Variants in ATP4B observed in about 807,000 individuals in gnomAD.
ATP4B encodes potassium-transporting ATPase subunit beta.
ATP4B carries 27 observed loss-of-function variants against 35.3 expected under a neutral mutation model. The observed-to-expected ratio is 0.76, with a 90% CI of 0.56 to 1.05. The LOEUF is 1.05. Ranked by LOEUF, ATP4B falls within the 50% of genes least tolerant of loss-of-function variation. The pLI is 0.00. For synonymous variants in ATP4B, 162 were observed against 156.0 expected (o/e 1.04, Z -0.29); for missense variants, 375 against 384.8 (o/e 0.97, Z 0.21).
chr13:113,657,936 A>C, intron 1 of ATP4B, 97 bp downstream of exon 1: 1 of 1,013,346 alleles, frequency 9.9e-7, no homozygotes, highest in Non-Finnish European at 1.4e-6. Context: ...TCTCACTGTC[A>C]GGGGCCCTCT....
intron 4 of ATP4B, among the ~76,000 whole-genome samples, chr13:113,651,992 G>A (rs1422271469): frequency 6.6e-6 from 1 of 152,196 alleles, no homozygotes; most frequent in Non-Finnish European, 1.5e-5. Flanking sequence ...CTGGCAGGAG[G>A]CAGAGCTGGG....
rs141905862 is a variant in ATP4B, at chr13:113,655,370, T to C, written c.113-428A>G. Among the ~76,000 whole-genome samples, 29 of 152,220 alleles carry C rather than the reference T, an allele frequency of 1.9e-4. No individual in the cohort carries two copies. The East Asian group carries it at 5.2e-3, about 27-fold the overall frequency. On this transcript the variant is annotated intron_variant, in intron 1 of 6. Coordinates refer to ENST00000335288, the MANE Select transcript of ATP4B (RefSeq NM_000705.4). ...GTGGGGTCCTGCCCATGGTGACCCA[T>C]AGTGCAGCCTGGAAGTGCATGGCCG...
rs899100145 is a variant in ATP4B at position 113,650,813 on chromosome 13, A to T, written c.613-306T>A. On this transcript the variant is annotated intron_variant, in intron 5 of 6. Coordinates refer to ENST00000335288, the MANE Select transcript of ATP4B (RefSeq NM_000705.4). The surrounding 1 kb of genome is among the most constrained non-coding windows in gnomAD (Gnocchi z 5.0). ...GGCTTGCTTGTCTGTACTCGAGGGT[A>T]GCCACTGCTCAGTGGCAAGGGCTGG... 3.3e-5 allele frequency among the ~76,000 whole-genome samples: 5 copies of T among 152,108 alleles called. No homozygotes were observed. The highest frequency in any genetic ancestry group is 7.4e-5 in the Non-Finnish European group (5 of 68,008).
At chr13:113,656,644 A>G (rs564797110) in intron 1 of ATP4B, among the ~76,000 whole-genome samples, 131 of 152,226 alleles carry the variant, frequency 8.6e-4, no homozygotes, top group African/African-American at 2.9e-3. Flanking sequence ...CTGCACCTGC[A>G]CCCGTCCCCC....
chr13:113,651,419 G>A (rs1024035412), intron 5 of ATP4B, among the ~76,000 whole-genome samples: 11 of 152,346 alleles, frequency 7.2e-5, no homozygotes, highest in South Asian at 2.1e-4. Flanking sequence ...GTTTTGAAGC[G>A]TGCTGCTGAC....
At chr13:113,655,238 G>T (rs2049745025) in intron 1 of ATP4B, among the ~76,000 whole-genome samples, 1 of 152,212 alleles carries the variant, frequency 6.6e-6, no homozygotes, top group Admixed American at 6.5e-5. Flanking sequence ...CGCTGTTTGA[G>T]ATGTGGCCGA....
At position 113,653,549 on chromosome 13, in the gene ATP4B, C is replaced by T. The variant is rs530259810; in HGVS notation, c.242-115G>A. ...CGGTGGCCCAACCCAGGAGCCTCCT[C>T]GGAGTAAACTGTCTGCAGCACAGGA... On this transcript the variant is annotated intron_variant, in intron 2 of 6. Coordinates refer to ENST00000335288, the MANE Select transcript of ATP4B (RefSeq NM_000705.4). The T allele has an allele frequency of 1.1e-4, 89 of 793,666 alleles. No individual in the cohort carries two copies. In the African/African-American group the frequency reaches 1.2e-3, roughly 10 times the overall value. The allele number at this position is 793,666 out of a possible 1,614,324, so 49.2% of individuals were successfully genotyped here.
intron 1 of ATP4B, among the ~76,000 whole-genome samples, chr13:113,656,796 C>T (rs993502991): frequency 1.2e-4 from 18 of 152,172 alleles, no homozygotes; most frequent in Admixed American, 2.6e-4. Flanking sequence ...AGAAGGTTCT[C>T]TGTGGCCCTG....
chr13:113,651,831 C>T (rs1332675783), intron 4 of ATP4B, 104 bp from the exon 5 acceptor site: 1 of 1,396,666 alleles, frequency 7.2e-7, no homozygotes, highest in South Asian at 1.4e-5. Flanking sequence ...CCAGCCTGGG[C>T]TTTCTGACCA....
Position 113,651,723 on chromosome 13 carries a change from ACGATCTAGAAGGGAAAAG to A in ATP4B, c.556-14_559del. The A allele has an allele frequency of 6.2e-7, 1 of 1,613,742 alleles. No individual in the cohort carries two copies. Among genetic ancestry groups the A allele is most frequent in the Non-Finnish European group, 8.5e-7 (1 of 1,179,834 alleles). On this transcript the variant is annotated splice_acceptor_variant and splice_polypyrimidine_tract_variant and coding_sequence_variant and intron_variant, in exon 5 of 7. Coordinates refer to ENST00000335288, the MANE Select transcript of ATP4B (RefSeq NM_000705.4). LOFTEE classifies it high-confidence loss of function. Reference sequence around the variant, plus strand: ...CGAGCCGTTGCTGGGGAGGAACTTGACGATCTAGAAGGGAAAAGCTTGAGCGTGGCCGCTCCCCACCCC... The same window carrying A: ...CGAGCCGTTGCTGGGGAGGAACTTGACTTGAGCGTGGCCGCTCCCCACCCC...
rs372700820 is a variant in ATP4B at position 113,649,580 on chromosome 13, A to C, written c.715-45T>G. ...AGGACAGGTGTTTCAAAAATCTCTG[A>C]AGTTAAGGAGAGAAAACTAAGCAAG... On this transcript the variant is annotated intron_variant, in intron 6 of 6. Transcript: ENST00000335288. The surrounding 1 kb of genome is among the most constrained non-coding windows in gnomAD (Gnocchi z 4.7). The C allele has an allele frequency of 3.5e-5, 51 of 1,449,402 alleles. No individual in the cohort carries two copies. Among genetic ancestry groups the C allele is most frequent in the Non-Finnish European group, 4.5e-5 (49 of 1,097,328 alleles). 89.8% of individuals were successfully genotyped at this position (1,449,402 alleles called of 1,614,324 possible).
In ATP4B at chr13:113,650,654, A is replaced by T; in HGVS notation, c.613-147T>A. 2 of 597,212 alleles carry T rather than the reference A, an allele frequency of 3.3e-6. No individual in the cohort carries two copies. Among genetic ancestry groups the T allele is most frequent in the Non-Finnish European group, 2.9e-6 (1 of 342,084 alleles). 37.0% of individuals were successfully genotyped at this position (597,212 alleles called of 1,614,324 possible). ...TGCATACTTAGCATAAATCAGATGCAATCTTTCTAATCAGTGCTGAGATCT... is the reference window on the plus strand; with the variant it reads ...TGCATACTTAGCATAAATCAGATGCTATCTTTCTAATCAGTGCTGAGATCT... On this transcript the variant is annotated intron_variant, in intron 5 of 6. Transcript: ENST00000335288. This position sits in a 1 kb window ranked among gnomAD's most constrained non-coding sequence, Gnocchi z 5.0.
chr13:113,653,088 C>T lies in ATP4B; in HGVS notation c.356-16G>A, dbSNP rs752588815. On this transcript the variant is annotated splice_polypyrimidine_tract_variant and intron_variant, in intron 3 of 6. Transcript: ENST00000335288. The stretch of plus-strand genomic sequence containing the variant: ...GGAGAGTAGCCTGCAGACGGACGCA[C>T]CTGCCAGCCCTGTCCTGCCCTGGCC... 8.8e-6 allele frequency: 14 copies of T among 1,599,908 alleles called. No homozygotes were observed. The highest frequency in any genetic ancestry group is 8.5e-6 in the Non-Finnish European group (10 of 1,170,548).
chr13:113,656,451 C>T lies in ATP4B; in HGVS notation c.113-1509G>A, dbSNP rs142696092. 4.4e-4 allele frequency among the ~76,000 whole-genome samples: 67 copies of T among 152,290 alleles called. No individual in the cohort carries two copies. The East Asian group carries it at 0.012, about 28-fold the overall frequency. ...CTCAGCCCTGCCTCCCGGGTAGGAG[C>T]CCGAGGTTGGCCAGGCTGGGCCCAG... On this transcript the variant is annotated intron_variant, in intron 1 of 6. Transcript: ENST00000335288.
chr13:113,649,662 C>T lies in ATP4B; in HGVS notation c.715-127G>A, dbSNP rs1484844554. On this transcript the variant is annotated intron_variant, in intron 6 of 6. Transcript: ENST00000335288. The surrounding 1 kb of genome is among the most constrained non-coding windows in gnomAD (Gnocchi z 4.7). The stretch of plus-strand genomic sequence containing the variant: ...GCAGCTCTTTTGTGTAAGACTGGCC[C>T]TGACCGAGTGCATGCCCTGGAATTT... 6 of 1,096,260 alleles carry T rather than the reference C, an allele frequency of 5.5e-6. No individual in the cohort carries two copies. Among genetic ancestry groups the T allele is most frequent in the Non-Finnish European group, 6.2e-6 (5 of 808,418 alleles). The allele number at this position is 1,096,260 out of a possible 1,614,324, so 67.9% of individuals were successfully genotyped here. A position where few individuals can be genotyped will look rare whatever the true frequency, so the allele number is the denominator to read the frequency against.
chr13:113,649,168 G>GT lies in ATP4B; in HGVS notation c.*205dup, dbSNP rs1451246849. 8.4e-6 allele frequency: 4 copies of GT among 477,090 alleles called. No homozygotes were observed. Among genetic ancestry groups the GT allele is most frequent in the Non-Finnish European group, 1.4e-5 (4 of 279,766 alleles). 29.6% of individuals were successfully genotyped at this position (477,090 alleles called of 1,614,324 possible). Reference sequence around the variant, plus strand: ...TAGCAGCAAATTCCATCTAAAAACTGTAAGAATTCAACAAGGAAGAACTGA... The same window carrying GT: ...TAGCAGCAAATTCCATCTAAAAACTGTTAAGAATTCAACAAGGAAGAACTGA... On this transcript the variant is annotated 3_prime_UTR_variant, in exon 7 of 7. Transcript: ENST00000335288. The surrounding 1 kb of genome is among the most constrained non-coding windows in gnomAD (Gnocchi z 4.7).
Position 113,650,663 on chromosome 13 carries a change from A to G in ATP4B, c.613-156T>C, listed in dbSNP as rs1400085791. Among the ~76,000 whole-genome samples the G allele has an allele frequency of 1.3e-5, 2 of 152,096 alleles. No individual in the cohort carries two copies. Among genetic ancestry groups the G allele is most frequent in the Non-Finnish European group, 2.9e-5 (2 of 68,026 alleles). ...AGCATAAATCAGATGCAATCTTTCTAATCAGTGCTGAGATCTCAGCAAGGA... is the reference window on the plus strand; with the variant it reads ...AGCATAAATCAGATGCAATCTTTCTGATCAGTGCTGAGATCTCAGCAAGGA... On this transcript the variant is annotated intron_variant, in intron 5 of 6. Transcript: ENST00000335288. The surrounding 1 kb of genome is among the most constrained non-coding windows in gnomAD (Gnocchi z 5.0).
chr13:113,654,738 C>A, intron 2 of ATP4B, 76 bp downstream of exon 2: 1 of 1,531,478 alleles, frequency 6.5e-7, no homozygotes, highest in Admixed American at 2.0e-5. Flanking sequence ...GCACGGGTCC[C>A]CCGGGCGTCT....
At chr13:113,653,760 T>C (rs1351446912) in intron 2 of ATP4B, among the ~76,000 whole-genome samples, 1 of 152,168 alleles carries the variant, frequency 6.6e-6, no homozygotes, top group African/African-American at 2.4e-5. Flanking sequence ...CTATGTAAAA[T>C]TGCATTTGAA....
Sources: gnomAD v4.1 joint callset for allele counts (sites outside exome capture counted in the v4.1 genomes callset) on GRCh38, gnomAD v4.1.1 for gene constraint, Gnocchi (gnomAD v3.1) non-coding constraint, MANE v1.5 for transcripts, NCBI Gene and HGNC (gene_info 2026-07-23, HGNC 2026-07-21) for gene names.